The following FMN2 variants were observed in gnomAD, a reference collection of about 807,000 sequenced individuals.
FMN2 encodes the protein formin-2.
FMN2 carries 51 observed loss-of-function variants against 142.3 expected under a neutral mutation model. The ratio of observed to expected loss-of-function variants is 0.36; its 90% CI spans 0.29 to 0.45. The LOEUF (loss-of-function observed/expected upper bound fraction) is 0.45, where lower values mean the gene tolerates loss of function less well. Ranked by LOEUF, FMN2 falls within the 20% of genes least tolerant of loss-of-function variation. FMN2 has a pLI of 1.00. For missense variants in FMN2, 1,936 were observed against 2,122.8 expected, an observed-to-expected ratio of 0.91 and a Z score of 1.73; for synonymous variants, 882 against 869.8, an observed-to-expected ratio of 1.01 and a Z score of -0.25.
intron 8 of FMN2, among the ~76,000 whole-genome samples, chr1:240,315,902 A>T (rs1370600923): frequency 6.6e-6 from 1 of 152,230 alleles, no homozygotes. Context: ...TTAATAATGC[A>T]AAAGTATTTT....
At chr1:240,099,711 G>A (rs1661347982) in intron 1 of FMN2, among the ~76,000 whole-genome samples, 1 of 152,162 alleles carries the variant, frequency 6.6e-6, no homozygotes, top group African/African-American at 2.4e-5. Context: ...TTTGAAAAGT[G>A]CTGATTGAAT....
At chr1:240,467,499 C>A (rs1676663583) in intron 16 of FMN2, among the ~76,000 whole-genome samples, 1 of 152,112 alleles carries the variant, frequency 6.6e-6, no homozygotes, top group African/African-American at 2.4e-5. Context: ...AACTCCTGAC[C>A]TTGTGATCCA....
chr1:240,364,427 C>T lies in FMN2; in HGVS notation c.4858+8519C>T, dbSNP rs576095114. Among the ~76,000 whole-genome samples, 47 of 152,188 alleles carry T rather than the reference C, an allele frequency of 3.1e-4. 1 individual carries two copies. In the South Asian group the frequency reaches 8.7e-3, roughly 28 times the overall value. ...ATTAGTGCAACATTCATGCGGACACCGTGAACCAGACGGACAAAACTCTTT... is the reference window on the plus strand; with the variant it reads ...ATTAGTGCAACATTCATGCGGACACTGTGAACCAGACGGACAAAACTCTTT... On this transcript the variant is annotated intron_variant, in intron 14 of 17. Coordinates refer to ENST00000319653, the MANE Select transcript of FMN2 (RefSeq NM_020066.5).
chr1:240,248,792 G>C (rs1668176696), intron 6 of FMN2, among the ~76,000 whole-genome samples: 1 of 151,718 alleles, frequency 6.6e-6, no homozygotes, highest in Admixed American at 6.6e-5. Context: ...CATTGTGTTT[G>C]ATTTGCATTT....
At chr1:240,455,673 G>T (rs772835260) in intron 16 of FMN2, among the ~76,000 whole-genome samples, 2 of 151,982 alleles carry the variant, frequency 1.3e-5, no homozygotes, top group Non-Finnish European at 2.9e-5. Context: ...GCAAGACTCT[G>T]TCTCTAAAAA....
chr1:240,110,905 A>C (rs1471440505), intron 1 of FMN2, among the ~76,000 whole-genome samples: 1 of 151,636 alleles, frequency 6.6e-6, no homozygotes, highest in African/African-American at 2.4e-5. Flanking sequence ...AAGGAAAAAA[A>C]CCCAAAACTT....
At chr1:240,424,513 T>C (rs1360444650) in intron 15 of FMN2, among the ~76,000 whole-genome samples, 1 of 152,196 alleles carries the variant, frequency 6.6e-6, no homozygotes, top group African/African-American at 2.4e-5. Context: ...GGGAAAGGAA[T>C]TGCTTTCCTT....
intron 4 of FMN2, among the ~76,000 whole-genome samples, chr1:240,195,118 T>C (rs1665863407): frequency 1.3e-5 from 2 of 152,188 alleles, no homozygotes; most frequent in Non-Finnish European, 2.9e-5. Context: ...TTTGCATGTA[T>C]TTGCGAACTC....
chr1:240,286,933 G>A (rs532905824), intron 7 of FMN2, among the ~76,000 whole-genome samples: 1 of 152,170 alleles, frequency 6.6e-6, no homozygotes, highest in African/African-American at 2.4e-5. Flanking sequence ...TTGTTGTGTA[G>A]TTATTTGTCG....
intron 15 of FMN2, among the ~76,000 whole-genome samples, chr1:240,427,936 G>A (rs1675015561): frequency 6.6e-6 from 1 of 152,086 alleles, no homozygotes; most frequent in South Asian, 2.1e-4. Context: ...TTTGTAAAAT[G>A]GTGACTTTTT....
intron 8 of FMN2, among the ~76,000 whole-genome samples, chr1:240,320,976 T>A (rs1470685646): frequency 6.6e-6 from 1 of 152,154 alleles, no homozygotes; most frequent in Non-Finnish European, 1.5e-5. Context: ...GAAAAAGTCA[T>A]TTCCTTTGAT....
intron 2 of FMN2, chr1:240,143,594 C>T (rs1663290549): frequency 5.0e-6 from 8 of 1,608,590 alleles, no homozygotes; most frequent in Middle Eastern, 1.7e-4. Flanking sequence ...TATGCACACA[C>T]ATCTACCAGT....
chr1:240,151,216 A>G (rs1258170074), intron 2 of FMN2, among the ~76,000 whole-genome samples: 1 of 152,186 alleles, frequency 6.6e-6, no homozygotes, highest in Non-Finnish European at 1.5e-5. Flanking sequence ...AATGATGATA[A>G]TAATAACTGT....
chr1:240,419,547 C>T (rs1010381187), intron 15 of FMN2, among the ~76,000 whole-genome samples: 2 of 152,070 alleles, frequency 1.3e-5, no homozygotes, highest in Non-Finnish European at 2.9e-5. Flanking sequence ...CGTGTAAGCT[C>T]CCGCAGTAAT....
intron 7 of FMN2, among the ~76,000 whole-genome samples, chr1:240,266,570 C>T (rs1239934460): frequency 6.6e-6 from 1 of 152,004 alleles, no homozygotes; most frequent in African/African-American, 2.4e-5. Context: ...GTGTAATGTT[C>T]CGTGGTATAT....
chr1:240,180,691 G>A (rs746051181), intron 3 of FMN2, among the ~76,000 whole-genome samples: 7 of 149,804 alleles, frequency 4.7e-5, no homozygotes, highest in Non-Finnish European at 1.0e-4. Context: ...CTCAGCCTCC[G>A]GAGTAGCTGG....
chr1:240,140,477 C>A (rs1663133139), intron 2 of FMN2, among the ~76,000 whole-genome samples: 1 of 152,138 alleles, frequency 6.6e-6, no homozygotes, highest in African/African-American at 2.4e-5. Context: ...CCTAACTTGC[C>A]ACAACACAGA....
intron 3 of FMN2, among the ~76,000 whole-genome samples, chr1:240,184,846 A>G (rs1469805383): frequency 6.6e-6 from 1 of 151,012 alleles, no homozygotes; most frequent in Non-Finnish European, 1.5e-5. Flanking sequence ...CTATCTAGTG[A>G]CTCCACTCTT....
At chr1:240,240,183 G>A (rs868685794) in intron 6 of FMN2, among the ~76,000 whole-genome samples, 1 of 152,130 alleles carries the variant, frequency 6.6e-6, no homozygotes, top group Non-Finnish European at 1.5e-5. Context: ...TATGGCTGAG[G>A]GGTAGTGTGG....
Sources: allele counts gnomAD v4.1 joint callset (sites outside exome capture counted in the v4.1 genomes callset), GRCh38; gene constraint gnomAD v4.1.1; transcripts MANE v1.5; gene names NCBI Gene and HGNC (gene_info 2026-07-23, HGNC 2026-07-21).